TBK1: variants seen among roughly 807,000 people sequenced by gnomAD.
The protein encoded by TBK1 is TANK binding kinase 1.
In TBK1, 37 loss-of-function variants were observed where a neutral mutation model predicts 99.9. The ratio of observed to expected loss-of-function variants is 0.37; its 90% CI spans 0.28 to 0.49. The LOEUF is 0.49. Ranked by LOEUF, TBK1 falls within the 20% of genes least tolerant of loss-of-function variation. The pLI is 0.98. For synonymous variants in TBK1, 258 were observed against 279.8 expected (o/e 0.92, Z 0.78); for missense variants, 644 against 872.5 (o/e 0.74, Z 3.30).
At chr12:64,456,000 T>C in intron 2 of TBK1, 43 bp downstream of exon 2, 1 of 1,407,714 alleles carries the variant, frequency 7.1e-7, no homozygotes, top group Non-Finnish European at 9.9e-7. Context: ...TCACTGTATG[T>C]ATTTTGTTCT....
In TBK1 at chr12:64,474,280, A is replaced by G. The variant is rs759416696; in HGVS notation, c.591A>G (p.Lys197=). Residue 197 remains lysine, a synonymous_variant, in exon 6 of 21, where the codon AAA becomes AAG. Coordinates refer to ENST00000331710, the MANE Select transcript of TBK1 (RefSeq NM_013254.4). ...TGCTAAGAAAAGATCATCAGAAGAAATATGGAGCAACAGTTGATCTTTGGA... is the reference window on the plus strand; with the variant it reads ...TGCTAAGAAAAGATCATCAGAAGAAGTATGGAGCAACAGTTGATCTTTGGA... ...RAVLRKDHQK[K]YGATVDLWSI... 4 of 1,614,050 alleles carry G rather than the reference A, an allele frequency of 2.5e-6. No individual in the cohort carries two copies. The highest frequency in any genetic ancestry group is 1.1e-5 in the South Asian group (1 of 91,076).
chr12:64,498,892 G>A (rs2040957182), intron 20 of TBK1, among the ~76,000 whole-genome samples: 2 of 150,288 alleles, frequency 1.3e-5, no homozygotes, highest in African/African-American at 4.9e-5. Flanking sequence ...GGAGATGGAG[G>A]TTGCAGTCAG....
chr12:64,496,432 G>T, intron 16 of TBK1, 26 bp downstream of exon 16: 1 of 1,158,114 alleles, frequency 8.6e-7, no homozygotes, highest in Non-Finnish European at 1.2e-6. Context: ...ATGTTTAATA[G>T]TTATTTTTGG....
intron 8 of TBK1, 125 bp downstream of exon 8, chr12:64,482,146 TATATTTAA>T (rs1364302219): frequency 1.9e-6 from 1 of 537,068 alleles, no homozygotes; most frequent in East Asian, 3.5e-5. Flanking sequence ...CATGGAAAAT[TATATTTAA>T]GTGCTTAGTA....
At chr12:64,485,042 T>A (rs938653873) in intron 9 of TBK1, among the ~76,000 whole-genome samples, 7 of 152,164 alleles carry the variant, frequency 4.6e-5, no homozygotes, top group Admixed American at 3.9e-4. Flanking sequence ...CAGCAAATAT[T>A]TTTTGTGTGC....
In TBK1 at chr12:64,501,458, A is replaced by G; in HGVS notation, c.*77A>G. 6.6e-6 allele frequency: 9 copies of G among 1,364,328 alleles called. No individual in the cohort carries two copies. In the South Asian group the frequency reaches 1.1e-4, roughly 17 times the overall value. The allele number at this position is 1,364,328 out of a possible 1,614,324, so 84.5% of individuals were successfully genotyped here. On this transcript the variant is annotated 3_prime_UTR_variant, in exon 21 of 21. Transcript: ENST00000331710. ...TTGGGCATTAAATGAATGCCTTTAT[A>G]GATAGTCACTTGTTTCTACAATTCA...
intron 13 of TBK1, among the ~76,000 whole-genome samples, chr12:64,490,673 C>T (rs893169127): frequency 1.3e-5 from 2 of 152,102 alleles, no homozygotes; most frequent in African/African-American, 4.8e-5. Context: ...CGCGGTGGCT[C>T]ATGCCTGTAA....
chr12:64,499,660 A>C (rs907772689), intron 20 of TBK1, among the ~76,000 whole-genome samples: 1 of 151,122 alleles, frequency 6.6e-6, no homozygotes, highest in African/African-American at 2.4e-5. Context: ...TTAGGCTTAA[A>C]GATCACCAAG....
intron 2 of TBK1, among the ~76,000 whole-genome samples, chr12:64,456,714 C>T (rs1032234060): frequency 5.3e-5 from 8 of 151,736 alleles, no homozygotes; most frequent in Admixed American, 6.6e-5. Flanking sequence ...TGGTGGCGGG[C>T]GCCTGTAGTC....
rs2040947034 is a variant in TBK1, at chr12:64,497,948, G to A, written c.2067-20G>A. ...ATTTGCATACTGTTTTTGAGCAAAGGTGCTTGTTTATTTTATTAGTATGAA... is the reference window on the plus strand; with the variant it reads ...ATTTGCATACTGTTTTTGAGCAAAGATGCTTGTTTATTTTATTAGTATGAA... On this transcript the variant is annotated intron_variant, in intron 19 of 20. Coordinates refer to ENST00000331710, the MANE Select transcript of TBK1 (RefSeq NM_013254.4). 5 of 1,600,748 alleles carry A rather than the reference G, an allele frequency of 3.1e-6. No homozygotes were observed. The highest frequency in any genetic ancestry group is 1.3e-5 in the African/African-American group (1 of 74,350).
intron 2 of TBK1, among the ~76,000 whole-genome samples, chr12:64,459,076 A>C (rs1490054498): frequency 1.3e-5 from 2 of 152,136 alleles, no homozygotes; most frequent in African/African-American, 4.8e-5. Context: ...CTAAGTGGTG[A>C]ATCTGAGGAA....
chr12:64,473,748 C>T (rs2040683245), intron 5 of TBK1, among the ~76,000 whole-genome samples: 1 of 152,024 alleles, frequency 6.6e-6, no homozygotes, highest in African/African-American at 2.4e-5. Flanking sequence ...ACCAGCCTGG[C>T]CAACATGGTG....
intron 6 of TBK1, among the ~76,000 whole-genome samples, chr12:64,479,664 C>T (rs1461441197): frequency 6.6e-6 from 1 of 152,052 alleles, no homozygotes; most frequent in Non-Finnish European, 1.5e-5. Context: ...TGCTTTTTTT[C>T]ATGGTCTAGA....
chr12:64,493,146 G>A (rs560613953), intron 13 of TBK1, among the ~76,000 whole-genome samples: 4 of 151,950 alleles, frequency 2.6e-5, no homozygotes, highest in East Asian at 3.9e-4. Flanking sequence ...TGCCCACGTC[G>A]GCCTCCCAAA....
chr12:64,483,071 A>G (rs957464123), intron 8 of TBK1, among the ~76,000 whole-genome samples: 4 of 152,226 alleles, frequency 2.6e-5, no homozygotes, highest in South Asian at 2.1e-4. Flanking sequence ...AGTGATGTCA[A>G]TGTTTTGTAA....
Position 64,455,841 on chromosome 12 carries a change from A to C in TBK1, c.-30A>C, listed in dbSNP as rs367795624. On this transcript the variant is annotated splice_region_variant and 5_prime_UTR_variant, in exon 2 of 21. Coordinates refer to ENST00000331710, the MANE Select transcript of TBK1 (RefSeq NM_013254.4). ...TTGCAAATTTTTTTTTTCTCTTAGT[A>C]TAACAAGAGGATTGCCTGATCCAGC... is the stretch of plus-strand genomic sequence containing the variant. 7.6e-6 allele frequency: 12 copies of C among 1,571,078 alleles called. No individual in the cohort carries two copies. In the African/African-American group the frequency reaches 1.5e-4, roughly 20 times the overall value.
chr12:64,474,346 G>T lies in TBK1; in HGVS notation c.657G>T (p.Leu219=). 6.2e-7 allele frequency: 1 copy of T among 1,614,034 alleles called. No individual in the cohort carries two copies. Residue 219 remains leucine (L), a synonymous_variant, in exon 6 of 21, where the codon CTG becomes CTT. Transcript: ENST00000331710. ...VTFYHAATGS[L]PFRPFEGPRR... is the part of the protein sequence containing the mutation. Reference sequence around the variant, plus strand: ...TTTACCATGCAGCTACTGGATCACTGCCATTTAGACCCTTTGAAGGGCCTC... The same window carrying T: ...TTTACCATGCAGCTACTGGATCACTTCCATTTAGACCCTTTGAAGGGCCTC...
chr12:64,478,443 GCACC>G (rs1398716631), intron 6 of TBK1, among the ~76,000 whole-genome samples: 1 of 152,118 alleles, frequency 6.6e-6, no homozygotes, highest in Non-Finnish European at 1.5e-5. Flanking sequence ...ATGAGCCACC[GCACC>G]CAGCCTGGCC....
chr12:64,453,868 C>T (rs1164311337), intron 1 of TBK1, among the ~76,000 whole-genome samples: 1 of 152,032 alleles, frequency 6.6e-6, no homozygotes, highest in Non-Finnish European at 1.5e-5. Flanking sequence ...CTACTTGGTA[C>T]GTTTATATAT....
Sources: allele counts gnomAD v4.1 joint callset (sites outside exome capture counted in the v4.1 genomes callset), GRCh38; gene constraint gnomAD v4.1.1; transcripts MANE v1.5; gene names NCBI Gene and HGNC (gene_info 2026-07-23, HGNC 2026-07-21).